Variants in MICAL3 observed in about 807,000 individuals in gnomAD.
The protein encoded by MICAL3 is [F-actin]-monooxygenase MICAL3.
A neutral mutation model predicts 207.4 loss-of-function variants in MICAL3; 62 were observed. The observed-to-expected ratio is 0.30, with a 90% CI of 0.24 to 0.37. The LOEUF (loss-of-function observed/expected upper bound fraction) is 0.37, where lower values mean the gene tolerates loss of function less well. Among genes scored for constraint, MICAL3 ranks in the 10% least tolerant of loss-of-function variants. MICAL3 has a pLI of 1.00. For missense variants in MICAL3, 2,368 were observed against 2,635.6 expected, an observed-to-expected ratio of 0.90 and a Z score of 2.22; for synonymous variants, 1,077 against 1,069.3, an observed-to-expected ratio of 1.01 and a Z score of -0.14.
intron 5 of MICAL3, 88 bp from the exon 6 acceptor site, chr22:17,901,085 A>G: frequency 1.5e-6 from 2 of 1,322,504 alleles, no homozygotes; most frequent in Non-Finnish European, 2.2e-6. Context: ...GATAAAGACA[A>G]CAGGGAAAGT....
chr22:17,904,487 G>A (rs1931569768), intron 3 of MICAL3, 145 bp downstream of exon 3: 5 of 689,588 alleles, frequency 7.3e-6, no homozygotes, highest in African/African-American at 7.1e-5. Flanking sequence ...TTCAAGATGA[G>A]TGCACTTACT....
At chr22:17,926,806 T>C (rs762352443) in intron 1 of MICAL3, among the ~76,000 whole-genome samples, 1 of 152,244 alleles carries the variant, frequency 6.6e-6, no homozygotes, top group Non-Finnish European at 1.5e-5. Flanking sequence ...TCCTCGCCCA[T>C]TTATTCCTTC....
At chr22:17,951,623 C>T (rs1229670261) in intron 1 of MICAL3, among the ~76,000 whole-genome samples, 1 of 152,052 alleles carries the variant, frequency 6.6e-6, no homozygotes, top group Non-Finnish European at 1.5e-5. Context: ...TGAAATCAAA[C>T]AGTCTTCCAT....
At position 17,902,091 on chromosome 22, in the gene MICAL3, C is replaced by CT; in HGVS notation, c.590-113dup. The CT allele has an allele frequency of 1.4e-6, 1 of 724,082 alleles. No homozygotes were observed. Among genetic ancestry groups the CT allele is most frequent in the Non-Finnish European group, 2.3e-6 (1 of 428,590 alleles). The allele number at this position is 724,082 out of a possible 1,614,324, so 44.9% of individuals were successfully genotyped here. ...TGCACAAAACCCTGGGCCAAAAACA[C>CT]TATGTGTAGAAGCAGTGGAGACAGA... On this transcript the variant is annotated intron_variant, in intron 4 of 31. Transcript: ENST00000441493. The surrounding 1 kb of genome is among the most constrained non-coding windows in gnomAD (Gnocchi z 4.5).
chr22:17,863,086 A>G (rs1022298230), intron 19 of MICAL3: 7 of 985,288 alleles, frequency 7.1e-6, no homozygotes, highest in Non-Finnish European at 7.2e-6. Context: ...CTTATTCTCT[A>G]TGGAAAGCGT....
chr22:17,810,275 G>T (rs990271519), intron 28 of MICAL3, among the ~76,000 whole-genome samples: 3 of 152,108 alleles, frequency 2.0e-5, no homozygotes, highest in Non-Finnish European at 4.4e-5. Flanking sequence ...GTGTTAGCCA[G>T]GATGGTCTCA....
chr22:17,791,922 C>A (rs1213863554), intron 29 of MICAL3, among the ~76,000 whole-genome samples: 8 of 152,232 alleles, frequency 5.3e-5, no homozygotes, highest in African/African-American at 1.9e-4. Flanking sequence ...CTCAGGATGG[C>A]CGCAGGGTTT....
intron 16 of MICAL3, chr22:17,875,453 G>C: frequency 6.4e-7 from 1 of 1,559,236 alleles, no homozygotes. Flanking sequence ...CTACCTGTCG[G>C]AGGGAGTCGG....
At chr22:17,871,556 C>G (rs1262228962) in intron 17 of MICAL3, among the ~76,000 whole-genome samples, 1 of 152,220 alleles carries the variant, frequency 6.6e-6, no homozygotes, top group Admixed American at 6.5e-5. Context: ...TCTCAAGTTC[C>G]CACCCCGAGG....
intron 1 of MICAL3, among the ~76,000 whole-genome samples, chr22:17,978,874 T>C (rs1380261393): frequency 1.5e-5 from 2 of 135,178 alleles, no homozygotes; most frequent in African/African-American, 5.8e-5. Flanking sequence ...TAAAGCTGTT[T>C]AAAAGAAAAA....
At chr22:17,976,586 TA>T (rs1473972917) in intron 1 of MICAL3, among the ~76,000 whole-genome samples, 11,136 of 74,866 alleles carry the variant, frequency 0.15, 1,062 homozygotes, top group Non-Finnish European at 0.2. Flanking sequence ...TATATATATA[TA>T]TATTTTTTTT....
chr22:17,852,473 C>G (rs919690292), intron 19 of MICAL3, among the ~76,000 whole-genome samples: 2 of 152,186 alleles, frequency 1.3e-5, no homozygotes, highest in African/African-American at 4.8e-5. Flanking sequence ...AACAAGCAGA[C>G]AGACACTAAG....
chr22:17,875,682 T>TAAAAAA (rs60415785), intron 16 of MICAL3: 44 of 170,768 alleles, frequency 2.6e-4, no homozygotes, highest in African/African-American at 8.1e-4. Context: ...CCATGTATAG[T>TAAAAAA]AAAAAAAAAA....
At chr22:17,808,658 G>C (rs2062012348) in intron 29 of MICAL3, among the ~76,000 whole-genome samples, 186 bp downstream of exon 29, 1 of 152,206 alleles carries the variant, frequency 6.6e-6, no homozygotes. Context: ...GGATGGGCCT[G>C]GGGCTGTCTC....
At chr22:17,861,146 A>G in intron 19 of MICAL3, 1 of 985,412 alleles carries the variant, frequency 1.0e-6, no homozygotes, top group Non-Finnish European at 1.2e-6. Flanking sequence ...GGGAAGCAGT[A>G]AGACTTCCGA....
chr22:18,008,639 G>A (rs1342641651), intron 1 of MICAL3, among the ~76,000 whole-genome samples: 1 of 152,218 alleles, frequency 6.6e-6, no homozygotes, highest in African/African-American at 2.4e-5. Flanking sequence ...GGATTGGGAT[G>A]TCTTAGAGCT....
At chr22:17,847,902 C>T (rs1449614733) in intron 19 of MICAL3, among the ~76,000 whole-genome samples, 2 of 152,270 alleles carry the variant, frequency 1.3e-5, no homozygotes, top group South Asian at 2.1e-4. Context: ...TGGGCTCAAA[C>T]GATCCTCCCA....
intron 1 of MICAL3, among the ~76,000 whole-genome samples, chr22:17,977,559 T>TAA (rs1935713082): frequency 6.7e-6 from 1 of 149,952 alleles, no homozygotes; most frequent in Admixed American, 6.6e-5. Flanking sequence ...AGACAGACAA[T>TAA]AACAAGTGTT....
At chr22:17,854,755 G>C in intron 19 of MICAL3, among the ~76,000 whole-genome samples, 1 of 152,220 alleles carries the variant, frequency 6.6e-6, no homozygotes, top group East Asian at 1.9e-4. Flanking sequence ...CTCCGTCCAT[G>C]TTTGTCATGT....
Sources: allele counts gnomAD v4.1 joint callset (sites outside exome capture counted in the v4.1 genomes callset), GRCh38; gene constraint gnomAD v4.1.1; non-coding constraint Gnocchi (gnomAD v3.1); transcripts MANE v1.5; gene names NCBI Gene and HGNC (gene_info 2026-07-23, HGNC 2026-07-21).